CFAP47: variants seen among roughly 807,000 people sequenced by gnomAD.
CFAP47 encodes the protein cilia and flagella associated protein 47.
In CFAP47, 29 loss-of-function variants were observed where a neutral mutation model predicts 148.1. That is an observed-to-expected ratio of 0.20 (90% CI 0.15 to 0.27). CFAP47 has a LOEUF of 0.27. CFAP47 is among the 10% of genes least tolerant of loss of function. The pLI is 1.00. For synonymous variants in CFAP47, 664 were observed against 577.3 expected, an observed-to-expected ratio of 1.15 and a Z score of -2.15; for missense variants, 1,872 against 1,697.5, an observed-to-expected ratio of 1.10 and a Z score of -1.81.
chrX:36,321,806 A>G (rs1016872160), intron 57 of CFAP47, among the ~76,000 whole-genome samples: 1 of 112,181 alleles, frequency 8.9e-6, no homozygotes, highest in African/African-American at 3.2e-5. Flanking sequence ...ATTTGTGGCA[A>G]CTATTTATAC....
At chrX:36,116,744 C>A (rs1035946227) in intron 33 of CFAP47, among the ~76,000 whole-genome samples, 1 of 111,939 alleles carries the variant, frequency 8.9e-6, no homozygotes, top group Admixed American at 9.5e-5. Flanking sequence ...TCCATTGTGT[C>A]ACAAACAATC....
chrX:35,973,138 T>A (rs1936518385), intron 13 of CFAP47, among the ~76,000 whole-genome samples: 2 of 112,389 alleles, frequency 1.8e-5, no homozygotes, highest in South Asian at 7.3e-4. Flanking sequence ...AATGTCTATG[T>A]ATGTCATATA....
At chrX:36,381,511 CCAAA>C (rs1222277486) in intron 63 of CFAP47, among the ~76,000 whole-genome samples, 1 of 111,212 alleles carries the variant, frequency 9.0e-6, no homozygotes, top group East Asian at 2.8e-4. Flanking sequence ...AAATATTAGC[CCAAA>C]CAAACCTCAA....
intron 48 of CFAP47, among the ~76,000 whole-genome samples, chrX:36,239,504 C>T (rs1555995583): frequency 8.9e-6 from 1 of 111,801 alleles, no homozygotes; most frequent in African/African-American, 3.3e-5. Flanking sequence ...ACTATTTGAC[C>T]TTTTTCCAAG....
chrX:36,323,228 G>A (rs782813364), intron 57 of CFAP47, among the ~76,000 whole-genome samples: 3 of 110,656 alleles, frequency 2.7e-5, no homozygotes, highest in South Asian at 7.5e-4. Flanking sequence ...CACCTACTAT[G>A]TAGCTACAAA....
chrX:36,078,328 G>A (rs1937905796), intron 29 of CFAP47, among the ~76,000 whole-genome samples: 1 of 110,968 alleles, frequency 9.0e-6, no homozygotes, highest in African/African-American at 3.3e-5. Context: ...TTATTATTGT[G>A]TGGGAGTCTA....
At chrX:36,266,003 C>T (rs1468400147) in intron 49 of CFAP47, among the ~76,000 whole-genome samples, 2 of 112,132 alleles carry the variant, frequency 1.8e-5, no homozygotes, top group African/African-American at 6.5e-5. Flanking sequence ...GGGCTATGTA[C>T]TCTATCCATG....
intron 22 of CFAP47, among the ~76,000 whole-genome samples, chrX:36,019,512 C>T (rs1410647573): frequency 9.0e-6 from 1 of 111,718 alleles, no homozygotes; most frequent in Non-Finnish European, 1.9e-5. Context: ...CTTTCTGGCT[C>T]CTGCAAAGAG....
intron 60 of CFAP47, among the ~76,000 whole-genome samples, chrX:36,354,949 C>T (rs965325632): frequency 9.0e-5 from 10 of 110,863 alleles, no homozygotes; most frequent in Admixed American, 8.7e-4. Flanking sequence ...AAAGATAACA[C>T]GTGGAATGGT....
At chrX:36,107,169 G>A (rs1288767659) in intron 33 of CFAP47, among the ~76,000 whole-genome samples, 1 of 111,558 alleles carries the variant, frequency 9.0e-6, no homozygotes, top group Admixed American at 9.6e-5. Context: ...CATTTTTAAA[G>A]CAAAAAATAA....
intron 52 of CFAP47, among the ~76,000 whole-genome samples, 178 bp downstream of exon 52, chrX:36,299,330 C>T (rs1467965057): frequency 1.8e-5 from 2 of 111,643 alleles, no homozygotes; most frequent in Non-Finnish European, 3.8e-5. Context: ...TGCTTCAGTG[C>T]AAAAATAGTA....
chrX:36,285,208 T>C (rs897730941), intron 50 of CFAP47, among the ~76,000 whole-genome samples: 8 of 111,734 alleles, frequency 7.2e-5, no homozygotes, highest in Non-Finnish European at 1.5e-4. Flanking sequence ...ACTAGATTCT[T>C]ATGGTCCTGG....
At chrX:35,927,878 T>C (rs1935768783) in intron 2 of CFAP47, among the ~76,000 whole-genome samples, 1 of 110,262 alleles carries the variant, frequency 9.1e-6, no homozygotes, top group Non-Finnish European at 1.9e-5. Context: ...ACACACTATG[T>C]AGCCTTCTGT....
intron 13 of CFAP47, among the ~76,000 whole-genome samples, chrX:35,972,925 C>A (rs1371222059): frequency 2.7e-5 from 3 of 111,039 alleles, no homozygotes; most frequent in African/African-American, 9.8e-5. Flanking sequence ...AAATGTTTTC[C>A]AAAGTGATTG....
chrX:36,049,773 G>A (rs1033186413), intron 26 of CFAP47, among the ~76,000 whole-genome samples: 1 of 111,735 alleles, frequency 8.9e-6, no homozygotes, highest in Non-Finnish European at 1.9e-5. Context: ...ATTGGCCGGT[G>A]TTCAGAAGTG....
At chrX:35,936,452 T>A (rs1401218424) in intron 2 of CFAP47, among the ~76,000 whole-genome samples, 1 of 110,729 alleles carries the variant, frequency 9.0e-6, no homozygotes, top group African/African-American at 3.3e-5. Flanking sequence ...CATTTTTTTT[T>A]TTTTTTTGGC....
intron 48 of CFAP47, among the ~76,000 whole-genome samples, chrX:36,239,642 A>G (rs782351285): frequency 2.7e-5 from 3 of 112,135 alleles, no homozygotes; most frequent in Admixed American, 9.5e-5. Flanking sequence ...TTAACATTGC[A>G]GTTGTCTGAG....
At chrX:35,938,928 A>G (rs1238384021) in intron 2 of CFAP47, among the ~76,000 whole-genome samples, 1 of 111,800 alleles carries the variant, frequency 8.9e-6, no homozygotes, top group Non-Finnish European at 1.9e-5. Flanking sequence ...ATCAACACCA[A>G]TATTTTCAAT....
At chrX:35,977,334 A>G (rs941110467) in intron 15 of CFAP47, among the ~76,000 whole-genome samples, 1 of 111,985 alleles carries the variant, frequency 8.9e-6, no homozygotes, top group African/African-American at 3.2e-5. Flanking sequence ...CTCAAAGATT[A>G]ATTGTGTGAG....
Sources: gnomAD v4.1 joint callset for allele counts (sites outside exome capture counted in the v4.1 genomes callset) on GRCh38, gnomAD v4.1.1 for gene constraint, MANE v1.5 for transcripts, NCBI Gene and HGNC (gene_info 2026-07-23, HGNC 2026-07-21) for gene names.